Variants in ARAP2 observed in about 807,000 individuals in gnomAD.
ARAP2 encodes the protein ArfGAP with RhoGAP domain, ankyrin repeat and PH domain 2, also known as arf-GAP with Rho-GAP domain, ANK repeat and PH domain-containing protein 2.
In ARAP2, 148 loss-of-function variants were observed where a neutral mutation model predicts 194.5. The ratio of observed to expected loss-of-function variants is 0.76; its 90% CI spans 0.67 to 0.87. ARAP2 has a LOEUF of 0.87. ARAP2 is among the 40% of genes least tolerant of loss of function. ARAP2 has a pLI of 0.00. For missense variants in ARAP2, 2,128 were observed against 1,989.7 expected (o/e 1.07, Z -1.32); for synonymous variants, 695 against 683.5 (o/e 1.02, Z -0.26).
chr4:36,148,036 A>C (rs1241173038), intron 17 of ARAP2, among the ~76,000 whole-genome samples: 1 of 152,176 alleles, frequency 6.6e-6, no homozygotes, highest in African/African-American at 2.4e-5. Context: ...GTCAACCTTC[A>C]GCATTTTTCT....
At chr4:36,164,295 A>G (rs1201270321) in intron 11 of ARAP2, among the ~76,000 whole-genome samples, 1 of 151,984 alleles carries the variant, frequency 6.6e-6, no homozygotes, top group African/African-American at 2.4e-5. Context: ...CTTTCTTCAA[A>G]ACTTCCATGA....
At chr4:36,212,534 T>C in intron 4 of ARAP2, 47 bp from the exon 5 acceptor site, 2 of 1,409,660 alleles carry the variant, frequency 1.4e-6, no homozygotes, top group Admixed American at 1.7e-5. Flanking sequence ...TTTTGCTTTT[T>C]GGTTTGGGGA....
intron 6 of ARAP2, among the ~76,000 whole-genome samples, chr4:36,202,059 G>C (rs1025976557): frequency 3.3e-5 from 5 of 152,066 alleles, no homozygotes; most frequent in Non-Finnish European, 5.9e-5. Flanking sequence ...TGCTGTTCCA[G>C]ATTCATCTGC....
intron 3 of ARAP2, among the ~76,000 whole-genome samples, chr4:36,051,386 A>T (rs1722642498): frequency 6.6e-6 from 1 of 152,208 alleles, no homozygotes. Context: ...CTGAGGCAGG[A>T]GAATCGCTTG....
At chr4:36,045,744 T>G (rs905247858) in intron 5 of ARAP2, among the ~76,000 whole-genome samples, 27 of 152,330 alleles carry the variant, frequency 1.8e-4, no homozygotes, top group African/African-American at 6.5e-4. Flanking sequence ...GTGATAGATA[T>G]GCTAATTAGA....
chr4:36,080,207 A>C lies in ARAP2; in HGVS notation c.4608+9T>G. 6.2e-7 allele frequency: 1 copy of C among 1,610,576 alleles called. No individual in the cohort carries two copies. Among genetic ancestry groups the C allele is most frequent in the Non-Finnish European group, 8.5e-7 (1 of 1,177,174 alleles). On this transcript the variant is annotated intron_variant, in intron 31 of 32. Coordinates refer to ENST00000303965, the MANE Select transcript of ARAP2 (RefSeq NM_015230.4). ...ATACTCTACTGGATAGTTCAAACAA[A>C]TCTCGTACCTGGGCAATAAAGATAC... is the stretch of plus-strand genomic sequence containing the variant.
At chr4:36,186,025 CTG>C (rs772171113) in intron 8 of ARAP2, among the ~76,000 whole-genome samples, 43 of 151,922 alleles carry the variant, frequency 2.8e-4, no homozygotes, top group Non-Finnish European at 5.3e-4. Flanking sequence ...CCTTATGAGA[CTG>C]TTGTGAAAAT....
intron 20 of ARAP2, among the ~76,000 whole-genome samples, chr4:36,130,488 T>A (rs1280157051): frequency 2.0e-5 from 3 of 151,786 alleles, no homozygotes; most frequent in African/African-American, 7.3e-5. Context: ...TATCCTCTTC[T>A]TCTAACTAGC....
chr4:36,214,007 CA>C (rs1350144064), intron 3 of ARAP2, among the ~76,000 whole-genome samples: 9 of 152,192 alleles, frequency 5.9e-5, no homozygotes, highest in Non-Finnish European at 1.0e-4. Flanking sequence ...TCAGAATTTT[CA>C]AAATGAAAGA....
At chr4:36,219,918 C>A (rs541629554) in intron 2 of ARAP2, among the ~76,000 whole-genome samples, 5 of 152,164 alleles carry the variant, frequency 3.3e-5, no homozygotes, top group East Asian at 1.9e-4. Context: ...TATAAGATTG[C>A]AATTTTTTAA....
At position 36,145,522 on chromosome 4, in the gene ARAP2, C is replaced by T. The variant is rs908442887; in HGVS notation, c.3263+1774G>A. On this transcript the variant is annotated intron_variant, in intron 19 of 32. Transcript: ENST00000303965. ...ATGGAAATAATAGACACTGAGGACT[C>T]CAAAAGTGGGGACCAAAGGGGGCAA... Among the ~76,000 whole-genome samples, 6 of 151,846 alleles carry T rather than the reference C, an allele frequency of 4.0e-5. No homozygotes were observed. The South Asian group carries it at 1.2e-3, about 32-fold the overall frequency.
At chr4:36,074,237 A>G (rs1727714945) in intron 31 of ARAP2, among the ~76,000 whole-genome samples, 3 of 152,060 alleles carry the variant, frequency 2.0e-5, no homozygotes, top group Admixed American at 2.0e-4. Flanking sequence ...TCCCAAATCA[A>G]CCTAAGGCAT....
chr4:36,210,305 G>T, intron 6 of ARAP2, 85 bp downstream of exon 6: 2 of 1,277,770 alleles, frequency 1.6e-6, no homozygotes, highest in Non-Finnish European at 2.1e-6. Flanking sequence ...TGGAGTGGGG[G>T]AACAGCAACC....
At chr4:36,006,048 T>G (rs746948129) in intron 10 of ARAP2, 4 of 152,180 alleles carry the variant, frequency 2.6e-5, no homozygotes, top group Non-Finnish European at 5.9e-5. Context: ...GTTTCCATAT[T>G]GAATTATGGG....
chr4:36,069,429 C>A (rs1227169694), intron 32 of ARAP2, among the ~76,000 whole-genome samples: 2 of 151,800 alleles, frequency 1.3e-5, no homozygotes, highest in Non-Finnish European at 2.9e-5. Context: ...GTAAATACAA[C>A]CAATGCCACT....
intron 27 of ARAP2, among the ~76,000 whole-genome samples, chr4:36,101,842 G>A (rs576835884): frequency 2.0e-5 from 3 of 152,078 alleles, no homozygotes; most frequent in Admixed American, 2.0e-4. Flanking sequence ...CTAAGTAATA[G>A]TCATGATTAC....
chr4:36,210,686 T>C lies in ARAP2; in HGVS notation c.1191A>G (p.Ile397Met). Residue 397 changes from isoleucine (I) to methionine (M), a missense_variant, in exon 6 of 33, where the codon ATA becomes ATG. Coordinates refer to ENST00000303965, the MANE Select transcript of ARAP2 (RefSeq NM_015230.4). ...ISEDKVEDIW[I>M]PREDKNNFLI... ...AAAAATTGTTTTTGTCCTCTCGAGGTATCCAAATATCTTCCACCTTGTCCT... is the reference window on the plus strand; with the variant it reads ...AAAAATTGTTTTTGTCCTCTCGAGGCATCCAAATATCTTCCACCTTGTCCT... The C allele has an allele frequency of 6.2e-7, 1 of 1,612,478 alleles. No individual in the cohort carries two copies. Among genetic ancestry groups the C allele is most frequent in the Non-Finnish European group, 8.5e-7 (1 of 1,179,580 alleles).
chr4:36,163,779 A>G (rs58965428), intron 11 of ARAP2, among the ~76,000 whole-genome samples: 111 of 152,336 alleles, frequency 7.3e-4, no homozygotes, highest in African/African-American at 2.5e-3. Context: ...AGGTAGAAAA[A>G]AACAGCTGTG....
At chr4:36,010,690 C>A (rs573938154) in intron 9 of ARAP2, among the ~76,000 whole-genome samples, 61 of 152,216 alleles carry the variant, frequency 4.0e-4, no homozygotes, top group African/African-American at 1.4e-3. Flanking sequence ...TTGCCTTTCC[C>A]ACAAATTCAA....
Sources: allele counts gnomAD v4.1 joint callset (sites outside exome capture counted in the v4.1 genomes callset), GRCh38; gene constraint gnomAD v4.1.1; transcripts MANE v1.5; gene names NCBI Gene and HGNC (gene_info 2026-07-23, HGNC 2026-07-21).